PTPRD: variants seen among roughly 807,000 people sequenced by gnomAD.
PTPRD encodes the protein protein tyrosine phosphatase receptor type D, also known as receptor-type tyrosine-protein phosphatase delta.
Under a neutral mutation model 214.5 loss-of-function variants are expected in PTPRD, and 34 were observed. The ratio of observed to expected loss-of-function variants is 0.16; its 90% CI spans 0.12 to 0.21. PTPRD has a LOEUF of 0.21. PTPRD is among the 10% of genes least tolerant of loss of function. PTPRD has a pLI of 1.00. For missense variants in PTPRD, 2,545 were observed against 2,398.7 expected (o/e 1.06, Z -1.27); for synonymous variants, 1,128 against 845.7 (o/e 1.33, Z -5.79).
In PTPRD at chr9:9,869,916, G is replaced by T. The variant is rs1024566236; in HGVS notation, c.-368+68591C>A. On this transcript the variant is annotated intron_variant, in intron 5 of 45. Transcript: ENST00000381196. ...AACAATTAGAGAACAGCCACTAGAT[G>T]ACATTAAGCAATGGTTGCTAATTTT... Among the ~76,000 whole-genome samples the T allele has an allele frequency of 9.2e-5, 14 of 151,978 alleles. 1 individual carries two copies. The highest frequency in any genetic ancestry group is 3.1e-4 in the African/African-American group (13 of 41,416).
At chr9:9,472,207 C>CT (rs869129816) in intron 8 of PTPRD, among the ~76,000 whole-genome samples, 3 of 44,244 alleles carry the variant, frequency 6.8e-5, no homozygotes, top group African/African-American at 1.5e-4. Flanking sequence ...TTTTTTTTTT[C>CT]TTTTTTTGAG....
At chr9:10,431,362 G>C (rs548219031) in intron 2 of PTPRD, among the ~76,000 whole-genome samples, 4,539 of 151,936 alleles carry the variant, frequency 0.03, 240 homozygotes, top group African/African-American at 0.1. Flanking sequence ...TACCATTCAG[G>C]ACATAGGCAT....
chr9:9,052,450 C>T (rs191662213), intron 10 of PTPRD, among the ~76,000 whole-genome samples: 18 of 152,196 alleles, frequency 1.2e-4, no homozygotes, highest in African/African-American at 3.6e-4. Context: ...GTGTCCCATA[C>T]ATCCTTCCTT....
chr9:8,859,088 C>T lies in PTPRD; in HGVS notation c.-103-125142G>A, dbSNP rs370183536. On this transcript the variant is annotated intron_variant, in intron 11 of 45. Transcript: ENST00000381196. ...GACACAGTTTGTGTCCGCCCCAGTT[C>T]ACCTTGGCAGCCTCCTTCGGGGATG... Among the ~76,000 whole-genome samples the T allele has an allele frequency of 1.1e-4, 17 of 152,344 alleles. 1 individual carries two copies. In the South Asian group the frequency reaches 2.9e-3, roughly 26 times the overall value.
intron 2 of PTPRD, among the ~76,000 whole-genome samples, chr9:10,407,472 C>T (rs2098382747): frequency 6.6e-6 from 1 of 151,498 alleles, no homozygotes; most frequent in African/African-American, 2.4e-5. Flanking sequence ...ATCCTACCTA[C>T]TAATATAGTT....
intron 3 of PTPRD, among the ~76,000 whole-genome samples, chr9:10,250,006 C>A (rs2092619827): frequency 6.6e-6 from 1 of 151,236 alleles, no homozygotes; most frequent in East Asian, 2.0e-4. Context: ...AATCACCACA[C>A]CTAAATCTGT....
chr9:10,440,913 G>A (rs2098753789), intron 2 of PTPRD, among the ~76,000 whole-genome samples: 1 of 151,746 alleles, frequency 6.6e-6, no homozygotes, highest in Non-Finnish European at 1.5e-5. Context: ...TCCTGGAGAT[G>A]AAACCACTGA....
At chr9:9,804,340 G>C (rs1333473650) in intron 5 of PTPRD, among the ~76,000 whole-genome samples, 2 of 152,014 alleles carry the variant, frequency 1.3e-5, no homozygotes, top group East Asian at 1.9e-4. Flanking sequence ...TGGAAATATG[G>C]ATCCAGCCAC....
chr9:9,067,374 C>T (rs562850422), intron 10 of PTPRD, among the ~76,000 whole-genome samples: 1 of 152,164 alleles, frequency 6.6e-6, no homozygotes, highest in Non-Finnish European at 1.5e-5. Context: ...TGTGTATTTA[C>T]GTTTATGCCT....
chr9:9,507,390 T>C (rs896214261), intron 8 of PTPRD, among the ~76,000 whole-genome samples: 8 of 151,324 alleles, frequency 5.3e-5, no homozygotes, highest in African/African-American at 1.7e-4. Context: ...ATTGTCTGAA[T>C]TGTATACAAT....
At chr9:8,524,852 C>T (rs2097980189) in intron 18 of PTPRD, 73 bp downstream of exon 18, 4 of 1,226,190 alleles carry the variant, frequency 3.3e-6, no homozygotes, top group South Asian at 2.4e-5. Context: ...AATATAACAA[C>T]ACGGACCCTG....
chr9:9,893,471 T>A (rs894919365), intron 5 of PTPRD, among the ~76,000 whole-genome samples: 1 of 152,100 alleles, frequency 6.6e-6, no homozygotes, highest in Non-Finnish European at 1.5e-5. Flanking sequence ...AAAATATTTC[T>A]AATAGATTTC....
intron 9 of PTPRD, among the ~76,000 whole-genome samples, chr9:9,215,514 T>A (rs1458308370): frequency 6.6e-6 from 1 of 152,140 alleles, no homozygotes; most frequent in Non-Finnish European, 1.5e-5. Context: ...CTCCATGGGC[T>A]AAGCAGAATG....
At chr9:8,946,124 T>C (rs932115337) in intron 11 of PTPRD, among the ~76,000 whole-genome samples, 2 of 152,192 alleles carry the variant, frequency 1.3e-5, no homozygotes, top group Non-Finnish European at 2.9e-5. Context: ...CAATATAAAA[T>C]GGTAACCAAG....
intron 5 of PTPRD, among the ~76,000 whole-genome samples, chr9:9,819,894 G>C (rs1565506208): frequency 6.6e-6 from 1 of 152,080 alleles, no homozygotes; most frequent in Non-Finnish European, 1.5e-5. Flanking sequence ...TCAGTCCATT[G>C]TTGATGGACA....
At chr9:8,384,294 A>T (rs531434563) in intron 37 of PTPRD, among the ~76,000 whole-genome samples, 14 of 152,246 alleles carry the variant, frequency 9.2e-5, no homozygotes, top group African/African-American at 3.1e-4. Context: ...TTGGCATGTT[A>T]TGAAACATGG....
At chr9:9,547,042 G>C (rs903890569) in intron 8 of PTPRD, among the ~76,000 whole-genome samples, 1 of 151,784 alleles carries the variant, frequency 6.6e-6, no homozygotes, top group African/African-American at 2.4e-5. Flanking sequence ...ACTATGAAGA[G>C]AGGGTTCTCA....
chr9:8,602,923 T>A (rs116370815), intron 14 of PTPRD, among the ~76,000 whole-genome samples: 5 of 152,336 alleles, frequency 3.3e-5, no homozygotes, highest in Non-Finnish European at 4.4e-5. Flanking sequence ...ACTCATTCGA[T>A]ATAATCCCCT....
intron 4 of PTPRD, among the ~76,000 whole-genome samples, chr9:10,029,469 G>T (rs1004053140): frequency 9.2e-5 from 14 of 152,218 alleles, no homozygotes; most frequent in Middle Eastern, 3.4e-3. Flanking sequence ...AGCCACAGGG[G>T]CAGCCATGGG....
Sources: gnomAD v4.1 joint callset for allele counts (sites outside exome capture counted in the v4.1 genomes callset) on GRCh38, gnomAD v4.1.1 for gene constraint, MANE v1.5 for transcripts, NCBI Gene and HGNC (gene_info 2026-07-23, HGNC 2026-07-21) for gene names.